CDKAL1: variants seen among roughly 807,000 people sequenced by gnomAD.
CDKAL1 encodes the protein threonylcarbamoyladenosine tRNA methylthiotransferase.
Under a neutral mutation model 68.2 loss-of-function variants are expected in CDKAL1, and 32 were observed. The observed-to-expected ratio is 0.47, with a 90% confidence interval of 0.35 to 0.63. The LOEUF (loss-of-function observed/expected upper bound fraction) is 0.63. Ranked by LOEUF, CDKAL1 falls within the 30% of genes least tolerant of loss-of-function variation. The pLI is 0.00. For missense variants in CDKAL1, 606 were observed against 696.7 expected, an observed-to-expected ratio of 0.87 and a Z score of 1.47; for synonymous variants, 234 against 244.3, an observed-to-expected ratio of 0.96 and a Z score of 0.39.
intron 11 of CDKAL1, among the ~76,000 whole-genome samples, chr6:21,031,477 C>T (rs1769288306): frequency 6.6e-6 from 1 of 151,878 alleles, no homozygotes; most frequent in Non-Finnish European, 1.5e-5. Flanking sequence ...CACCTACATT[C>T]GGGTTTGGTT....
At chr6:20,787,281 CT>C (rs1343952041) in intron 8 of CDKAL1, among the ~76,000 whole-genome samples, 3 of 152,202 alleles carry the variant, frequency 2.0e-5, no homozygotes, top group Middle Eastern at 3.4e-3. Context: ...TTTTTTCCCC[CT>C]GTAACACTCT....
At chr6:21,161,971 G>A (rs1247385153) in intron 13 of CDKAL1, among the ~76,000 whole-genome samples, 3 of 152,210 alleles carry the variant, frequency 2.0e-5, no homozygotes, top group African/African-American at 4.8e-5. Flanking sequence ...TTGAATGCAA[G>A]TGCCTATTGT....
chr6:21,221,837 T>C (rs1037475915), intron 15 of CDKAL1, among the ~76,000 whole-genome samples: 2 of 152,234 alleles, frequency 1.3e-5, no homozygotes, highest in African/African-American at 4.8e-5. Flanking sequence ...AGAGTTGCTT[T>C]CACATCTCTT....
chr6:20,825,249 C>A (rs114681390), intron 8 of CDKAL1, among the ~76,000 whole-genome samples: 1 of 151,964 alleles, frequency 6.6e-6, no homozygotes, highest in African/African-American at 2.4e-5. Context: ...CTTTTATATT[C>A]CCCATATATA....
At chr6:21,143,002 TA>T (rs1775997941) in intron 13 of CDKAL1, among the ~76,000 whole-genome samples, 1 of 152,238 alleles carries the variant, frequency 6.6e-6, no homozygotes, top group African/African-American at 2.4e-5. Flanking sequence ...TTGTTTGGAA[TA>T]GAAGCATAAA....
chr6:20,755,336 C>T (rs1228105543), intron 6 of CDKAL1, among the ~76,000 whole-genome samples: 1 of 152,138 alleles, frequency 6.6e-6, no homozygotes, highest in Non-Finnish European at 1.5e-5. Context: ...CAACCTATTC[C>T]CATTGCCAGA....
intron 5 of CDKAL1, among the ~76,000 whole-genome samples, chr6:20,691,887 T>C (rs911248509): frequency 1.3e-5 from 2 of 152,214 alleles, no homozygotes; most frequent in Non-Finnish European, 2.9e-5. Flanking sequence ...TTCTATTTTA[T>C]ATATGTTATG....
chr6:20,550,772 G>T (rs960766717), intron 4 of CDKAL1, among the ~76,000 whole-genome samples: 1 of 151,490 alleles, frequency 6.6e-6, no homozygotes, highest in African/African-American at 2.4e-5. Flanking sequence ...CACTGACCCG[G>T]TGCTTTATGT....
chr6:21,090,355 G>C (rs1290391338), intron 12 of CDKAL1, among the ~76,000 whole-genome samples: 1 of 152,186 alleles, frequency 6.6e-6, no homozygotes, highest in African/African-American at 2.4e-5. Flanking sequence ...CTGTATTTAA[G>C]AGCCAACTGG....
intron 8 of CDKAL1, among the ~76,000 whole-genome samples, chr6:20,841,478 C>G (rs1007946555): frequency 1.3e-5 from 2 of 152,102 alleles, no homozygotes; most frequent in African/African-American, 4.8e-5. Flanking sequence ...TTTTCACTTG[C>G]TTTATGTGGT....
chr6:20,643,172 T>C (rs1378632990), intron 4 of CDKAL1, among the ~76,000 whole-genome samples: 1 of 152,186 alleles, frequency 6.6e-6, no homozygotes, highest in African/African-American at 2.4e-5. Flanking sequence ...GTTGGTGCCT[T>C]CTTCCTACCT....
At chr6:20,650,930 A>G (rs1325378108) in intron 5 of CDKAL1, among the ~76,000 whole-genome samples, 1 of 152,152 alleles carries the variant, frequency 6.6e-6, no homozygotes, top group African/African-American at 2.4e-5. Flanking sequence ...TTTTTACACC[A>G]GTCCTATGAA....
chr6:20,761,976 G>C (rs1774488881), intron 7 of CDKAL1, among the ~76,000 whole-genome samples: 1 of 152,264 alleles, frequency 6.6e-6, no homozygotes, highest in Middle Eastern at 3.4e-3. Flanking sequence ...GTACCACTCT[G>C]TTGTAGGATA....
rs1777170372 is a variant in CDKAL1 at position 20,819,136 on chromosome 6, G to A, written c.639-26939G>A. Among the ~76,000 whole-genome samples the A allele has an allele frequency of 2.0e-5, 3 of 151,956 alleles. No homozygotes were observed. The South Asian group carries it at 6.2e-4, about 32-fold the overall frequency. On this transcript the variant is annotated intron_variant, in intron 8 of 15. Coordinates refer to ENST00000274695, the MANE Select transcript of CDKAL1 (RefSeq NM_017774.3). ...TTTGGTTTTTTTCCCCTTCCACATA[G>A]TTAGCATTACACAATTGCAAAACTT... is the stretch of plus-strand genomic sequence containing the variant.
At chr6:21,109,115 T>G (rs142960030) in intron 13 of CDKAL1, among the ~76,000 whole-genome samples, 132 of 152,278 alleles carry the variant, frequency 8.7e-4, no homozygotes, top group African/African-American at 3.1e-3. Context: ...AAGCACTCTT[T>G]TAAAAAGAAA....
At chr6:21,148,125 C>T (rs1404021820) in intron 13 of CDKAL1, among the ~76,000 whole-genome samples, 3 of 152,154 alleles carry the variant, frequency 2.0e-5, no homozygotes, top group South Asian at 2.1e-4. Context: ...ATTTTTTACA[C>T]CATCTGTACC....
chr6:20,971,603 C>A (rs1477789720), intron 10 of CDKAL1, among the ~76,000 whole-genome samples: 1 of 152,134 alleles, frequency 6.6e-6, no homozygotes, highest in Non-Finnish European at 1.5e-5. Flanking sequence ...TAGAATATAA[C>A]AATTTTATTA....
chr6:20,669,738 T>C (rs1170889329), intron 5 of CDKAL1, among the ~76,000 whole-genome samples: 1 of 152,182 alleles, frequency 6.6e-6, no homozygotes, highest in Non-Finnish European at 1.5e-5. Context: ...TTCAGGCTTA[T>C]CGTGTACTTT....
intron 9 of CDKAL1, among the ~76,000 whole-genome samples, chr6:20,854,169 GA>G (rs1759198883): frequency 6.6e-6 from 1 of 152,190 alleles, no homozygotes; most frequent in Admixed American, 6.5e-5. Context: ...GAAGTATGCA[GA>G]AACAGACACC....
Sources: allele counts gnomAD v4.1 joint callset (sites outside exome capture counted in the v4.1 genomes callset), GRCh38; gene constraint gnomAD v4.1.1; transcripts MANE v1.5; gene names NCBI Gene and HGNC (gene_info 2026-07-23, HGNC 2026-07-21).